Variants in WFDC6 observed in about 807,000 individuals in gnomAD.
The protein encoded by WFDC6 is WAP four-disulfide core domain protein 6.
Under a neutral mutation model 8.2 loss-of-function variants are expected in WFDC6, and 10 were observed. That is an observed-to-expected ratio of 1.22 (90% CI 0.75 to 2.07). WFDC6 has a LOEUF of 2.07. Ranked by LOEUF, WFDC6 falls within the 30% of genes most tolerant of loss-of-function variation. The pLI, the probability that WFDC6 is intolerant of heterozygous loss-of-function variation, is 0.00. For synonymous variants in WFDC6, 28 were observed against 37.0 expected, an observed-to-expected ratio of 0.76 and a Z score of 0.88; for missense variants, 105 against 104.9, an observed-to-expected ratio of 1.00 and a Z score of 0.00.
rs190898583 is a variant in WFDC6 at position 45,535,468 on chromosome 20, G to A, written c.223-963C>T. 4 of 995,694 alleles carry A rather than the reference G, an allele frequency of 4.0e-6. No homozygotes were observed. In the African/African-American group the frequency reaches 6.8e-5, roughly 17 times the overall value. The allele number at this position is 995,694 out of a possible 1,614,324, so 61.7% of individuals were successfully genotyped here. Reference sequence around the variant, plus strand: ...CTCAGGGCTCTGTTCCCAATTCAGTGTGAACCCTGACCACTCATTTTACCT... The same window carrying A: ...CTCAGGGCTCTGTTCCCAATTCAGTATGAACCCTGACCACTCATTTTACCT... On this transcript the variant is annotated intron_variant, in intron 2 of 2. Coordinates refer to ENST00000372670, the MANE Select transcript of WFDC6 (RefSeq NM_080827.2).
chr20:45,537,463 G>A, intron 2 of WFDC6: 3 of 1,383,228 alleles, frequency 2.2e-6, no homozygotes, highest in Non-Finnish European at 3.0e-6. Flanking sequence ...ATCTTCTTTA[G>A]AGCTCAATAA....
At chr20:45,536,091 C>T (rs963647263) in intron 2 of WFDC6, among the ~76,000 whole-genome samples, 1 of 152,178 alleles carries the variant, frequency 6.6e-6, no homozygotes, top group African/African-American at 2.4e-5. Flanking sequence ...CTCAGTCTTG[C>T]ACACACATTT....
intron 1 of WFDC6, among the ~76,000 whole-genome samples, chr20:45,538,319 G>A (rs549641919): frequency 2.0e-4 from 30 of 152,082 alleles, no homozygotes; most frequent in African/African-American, 6.5e-4. Flanking sequence ...CCCCCTACCC[G>A]CACCATCTAT....
chr20:45,534,886 T>C (rs1484876756), intron 2 of WFDC6, among the ~76,000 whole-genome samples: 1 of 152,254 alleles, frequency 6.6e-6, no homozygotes, highest in Non-Finnish European at 1.5e-5. Flanking sequence ...AGGGCTGGGC[T>C]GGGTTTACCG....
At chr20:45,537,144 C>T (rs1236467865) in intron 2 of WFDC6, 2 of 198,742 alleles carry the variant, frequency 1.0e-5, no homozygotes, top group Admixed American at 1.0e-4. Context: ...ATTCAAGTTG[C>T]CCTGAATATA....
intron 2 of WFDC6, among the ~76,000 whole-genome samples, chr20:45,534,899 C>T (rs530528355): frequency 8.5e-5 from 13 of 152,208 alleles, no homozygotes; most frequent in Non-Finnish European, 1.9e-4. Context: ...GTTTACCGGG[C>T]TTCCGTCTGA....
intron 2 of WFDC6, chr20:45,537,116 G>A (rs941380176): frequency 1.2e-5 from 2 of 170,738 alleles, no homozygotes. Context: ...ACTTGAGGAT[G>A]GCCACTTGGG....
chr20:45,535,086 G>C (rs1979313466), intron 2 of WFDC6: 1 of 1,247,762 alleles, frequency 8.0e-7, no homozygotes, highest in East Asian at 5.7e-5. Context: ...CCAGGTCTTG[G>C]AATAGACCAG....
At chr20:45,537,802 A>G (rs1483972654) in intron 2 of WFDC6, among the ~76,000 whole-genome samples, 162 bp downstream of exon 2, 1 of 152,118 alleles carries the variant, frequency 6.6e-6, no homozygotes, top group African/African-American at 2.4e-5. Flanking sequence ...AATAAAATCC[A>G]TGTCTCCCAA....
intron 2 of WFDC6, among the ~76,000 whole-genome samples, chr20:45,536,536 C>T (rs776072131): frequency 6.6e-6 from 1 of 152,160 alleles, no homozygotes; most frequent in Admixed American, 6.5e-5. Context: ...TTTAGAGAGG[C>T]TAAATAACTT....
intron 2 of WFDC6, among the ~76,000 whole-genome samples, chr20:45,535,550 G>A (rs905805763): frequency 3.9e-5 from 6 of 152,134 alleles, no homozygotes; most frequent in East Asian, 1.9e-4. Flanking sequence ...CAACCTGCTC[G>A]CCTAACAGGG....
rs1461928417 is a variant in WFDC6, at chr20:45,537,401, GGC to G, written c.222+561_222+562del. 1.1e-5 allele frequency: 11 copies of G among 973,278 alleles called. No homozygotes were observed. The African/African-American group carries it at 1.6e-4, about 14-fold the overall frequency. The allele number at this position is 973,278 out of a possible 1,614,324, so 60.3% of individuals were successfully genotyped here. A position where few individuals can be genotyped will look rare whatever the true frequency, so the allele number is the denominator to read the frequency against. ...AGTGGAACCCATCATGGGTGTCAGG[GGC>G]ACCAATCAATATTTGTTGAATGAAT... On this transcript the variant is annotated intron_variant, in intron 2 of 2. Transcript: ENST00000372670.
intron 2 of WFDC6, among the ~76,000 whole-genome samples, chr20:45,535,589 A>T (rs1381793195): frequency 6.6e-6 from 1 of 152,208 alleles, no homozygotes; most frequent in Non-Finnish European, 1.5e-5. Context: ...GTGACATCAC[A>T]TGGCTTCTTT....
chr20:45,537,389 A>AT, intron 2 of WFDC6: 1 of 869,174 alleles, frequency 1.2e-6, no homozygotes, highest in Non-Finnish European at 1.9e-6. Flanking sequence ...GGAACCCATC[A>AT]TGGGTGTCAG....
chr20:45,538,083 T>A lies in WFDC6; in HGVS notation c.103A>T (p.Lys35Ter). ...AEGILGKPCP[K>*]IKVECEVEEI... ...TCCACTTCGCATTCCACTTTGATTT[T>A]GGGACACGGCTCTAAGGGAGGGGAA... is the stretch of plus-strand genomic sequence containing the variant. Residue 35 changes from lysine to a stop codon, truncating the protein, a stop_gained, in exon 2 of 3, where the codon AAA (lysine) becomes TAA (stop). Transcript: ENST00000372670. LOFTEE classifies it high-confidence loss of function. The A allele has an allele frequency of 6.2e-7, 1 of 1,613,906 alleles. No individual in the cohort carries two copies.
intron 2 of WFDC6, chr20:45,535,044 A>G: frequency 9.5e-7 from 1 of 1,049,604 alleles, no homozygotes; most frequent in Non-Finnish European, 1.2e-6. Flanking sequence ...ATACTTCTGC[A>G]TTGGAGCTGG....
chr20:45,536,093 C>T (rs1979353836), intron 2 of WFDC6, among the ~76,000 whole-genome samples: 1 of 152,186 alleles, frequency 6.6e-6, no homozygotes, highest in African/African-American at 2.4e-5. Flanking sequence ...CAGTCTTGCA[C>T]ACACATTTAT....
At chr20:45,534,634 A>G (rs1423763503) in intron 2 of WFDC6, 129 bp from the exon 3 acceptor site, 10 of 1,077,274 alleles carry the variant, frequency 9.3e-6, no homozygotes, top group Non-Finnish European at 1.4e-5. Flanking sequence ...AATGAAGGTG[A>G]GTTTGGGGGC....
intron 2 of WFDC6, among the ~76,000 whole-genome samples, chr20:45,536,197 A>G (rs1299390781): frequency 6.6e-6 from 1 of 152,024 alleles, no homozygotes; most frequent in Non-Finnish European, 1.5e-5. Context: ...ATCTTGATAC[A>G]GCAGTTTCTA....
Sources: gnomAD v4.1 joint callset for allele counts (sites outside exome capture counted in the v4.1 genomes callset) on GRCh38, gnomAD v4.1.1 for gene constraint, MANE v1.5 for transcripts, NCBI Gene and HGNC (gene_info 2026-07-23, HGNC 2026-07-21) for gene names.